Variants in EPHA3 observed in about 807,000 individuals in gnomAD.
EPHA3 encodes the protein EPH receptor A3.
In EPHA3, 42 loss-of-function variants were observed where a neutral mutation model predicts 107.1. The ratio of observed to expected loss-of-function variants is 0.39; its 90% CI spans 0.31 to 0.51. The LOEUF is 0.51. EPHA3 is among the 20% of genes least tolerant of loss of function. EPHA3 has a pLI of 0.78. For missense variants in EPHA3, 1,183 were observed against 1,211.2 expected (o/e 0.98, Z 0.35); for synonymous variants, 461 against 424.8 (o/e 1.09, Z -1.05).
intron 5 of EPHA3, among the ~76,000 whole-genome samples, chr3:89,363,336 T>G (rs1477980093): frequency 1.3e-5 from 2 of 150,524 alleles, no homozygotes; most frequent in East Asian, 3.9e-4. Flanking sequence ...CTCATGTGAT[T>G]GTGGAGGCTG....
chr3:89,112,780 G>T (rs1206464035), intron 1 of EPHA3, among the ~76,000 whole-genome samples: 2 of 151,456 alleles, frequency 1.3e-5, no homozygotes, highest in Non-Finnish European at 2.9e-5. Flanking sequence ...TGTGATCTGG[G>T]CTACTTTTTA....
At chr3:89,409,474 G>T (rs765923540) in intron 9 of EPHA3, among the ~76,000 whole-genome samples, 1 of 151,872 alleles carries the variant, frequency 6.6e-6, no homozygotes, top group Non-Finnish European at 1.5e-5. Flanking sequence ...TACATCTTAC[G>T]AATTTTGAGC....
intron 11 of EPHA3, among the ~76,000 whole-genome samples, chr3:89,422,975 T>C (rs1709383375): frequency 6.6e-6 from 1 of 151,322 alleles, no homozygotes; most frequent in Non-Finnish European, 1.5e-5. Flanking sequence ...CACAACAAGG[T>C]ACTAACATGT....
intron 2 of EPHA3, among the ~76,000 whole-genome samples, chr3:89,141,096 T>G (rs770220965): frequency 6.6e-6 from 1 of 151,588 alleles, no homozygotes; most frequent in African/African-American, 2.4e-5. Context: ...TCAGACAATC[T>G]GATTCCCATA....
At chr3:89,382,188 A>G (rs1430677034) in intron 5 of EPHA3, among the ~76,000 whole-genome samples, 1 of 151,980 alleles carries the variant, frequency 6.6e-6, no homozygotes, top group East Asian at 2.0e-4. Flanking sequence ...TGCGGCCAAC[A>G]GATCAGGAGA....
intron 3 of EPHA3, among the ~76,000 whole-genome samples, chr3:89,269,584 G>A (rs960803670): frequency 6.6e-6 from 1 of 151,552 alleles, no homozygotes; most frequent in African/African-American, 2.4e-5. Flanking sequence ...CCCAGCCAGA[G>A]TGACAACAAT....
intron 1 of EPHA3, among the ~76,000 whole-genome samples, chr3:89,126,732 T>C (rs2106973122): frequency 6.6e-6 from 1 of 151,860 alleles, no homozygotes; most frequent in South Asian, 2.1e-4. Flanking sequence ...TGTTGAGTAT[T>C]AGCCAGGGAT....
intron 3 of EPHA3, among the ~76,000 whole-genome samples, chr3:89,285,892 T>G (rs2107321266): frequency 6.6e-6 from 1 of 152,058 alleles, no homozygotes; most frequent in East Asian, 1.9e-4. Context: ...GTGTGGGGAA[T>G]TAAGGAATTA....
At chr3:89,107,976 C>CTTT (rs35490136) in intron 1 of EPHA3, 140 bp downstream of exon 1, 1 of 607,160 alleles carries the variant, frequency 1.6e-6, no homozygotes, top group Non-Finnish European at 2.8e-6. Context: ...AAAGATGTGC[C>CTTT]TTTTTTTTTT....
At chr3:89,227,926 T>C (rs1019563682) in intron 3 of EPHA3, among the ~76,000 whole-genome samples, 10 of 151,996 alleles carry the variant, frequency 6.6e-5, no homozygotes, top group African/African-American at 2.2e-4. Flanking sequence ...TTCAGCATTG[T>C]AGTTCCTTTC....
chr3:89,280,571 T>A (rs1456577895), intron 3 of EPHA3, among the ~76,000 whole-genome samples: 1 of 152,140 alleles, frequency 6.6e-6, no homozygotes, highest in East Asian at 1.9e-4. Flanking sequence ...TCACGTGTGG[T>A]ATAATTGGGT....
At chr3:89,426,199 A>G (rs1469787809) in intron 11 of EPHA3, among the ~76,000 whole-genome samples, 2 of 151,790 alleles carry the variant, frequency 1.3e-5, no homozygotes, top group Non-Finnish European at 3.0e-5. Flanking sequence ...TACACCTGGA[A>G]GAGCATGCAA....
At chr3:89,199,430 A>G (rs1281302145) in intron 2 of EPHA3, among the ~76,000 whole-genome samples, 1 of 152,308 alleles carries the variant, frequency 6.6e-6, no homozygotes, top group East Asian at 1.9e-4. Flanking sequence ...CACAAGAAAG[A>G]AAATTCAAAT....
chr3:89,201,976 A>C (rs1443370096), intron 2 of EPHA3, among the ~76,000 whole-genome samples: 2 of 152,166 alleles, frequency 1.3e-5, no homozygotes, highest in Non-Finnish European at 2.9e-5. Flanking sequence ...CACATTTGCT[A>C]AGCCTGCTGA....
chr3:89,181,566 A>G (rs921201555), intron 2 of EPHA3, among the ~76,000 whole-genome samples: 1 of 151,998 alleles, frequency 6.6e-6, no homozygotes, highest in Non-Finnish European at 1.5e-5. Flanking sequence ...GGAGAGAGAT[A>G]TACTTAATAC....
At chr3:89,287,971 C>G (rs1277442631) in intron 3 of EPHA3, among the ~76,000 whole-genome samples, 1 of 151,962 alleles carries the variant, frequency 6.6e-6, no homozygotes, top group Non-Finnish European at 1.5e-5. Context: ...AGTCAGATTA[C>G]TGTTTCAGCT....
chr3:89,208,967 T>C (rs1363984812), intron 2 of EPHA3, among the ~76,000 whole-genome samples: 2 of 152,116 alleles, frequency 1.3e-5, no homozygotes, highest in Non-Finnish European at 2.9e-5. Context: ...AAACAACTGG[T>C]CTAATAGTTT....
intron 15 of EPHA3, among the ~76,000 whole-genome samples, chr3:89,459,410 TTCC>T (rs984932355): frequency 2.0e-5 from 3 of 152,054 alleles, no homozygotes; most frequent in Non-Finnish European, 4.4e-5. Flanking sequence ...TCTCTTTCTC[TTCC>T]TCTTTTTCTT....
intron 3 of EPHA3, among the ~76,000 whole-genome samples, chr3:89,275,006 A>C (rs1705771150): frequency 6.6e-6 from 1 of 152,052 alleles, no homozygotes; most frequent in Admixed American, 6.6e-5. Flanking sequence ...CTCCATAGAC[A>C]TTAATACTTT....
Sources: gnomAD v4.1 joint callset for allele counts (sites outside exome capture counted in the v4.1 genomes callset) on GRCh38, gnomAD v4.1.1 for gene constraint, MANE v1.5 for transcripts, NCBI Gene and HGNC (gene_info 2026-07-23, HGNC 2026-07-21) for gene names.